Variants in RUFY3 observed in about 807,000 individuals in gnomAD.
RUFY3 encodes RUN and FYVE domain containing 3, also known as protein RUFY3.
In RUFY3, 34 loss-of-function variants were observed where a neutral mutation model predicts 84.0. The observed-to-expected ratio is 0.40, with a 90% CI of 0.31 to 0.54. RUFY3 has a LOEUF of 0.54. RUFY3 is among the 20% of genes least tolerant of loss of function. The pLI is 0.39. For synonymous variants in RUFY3, 242 were observed against 252.9 expected, an observed-to-expected ratio of 0.96 and a Z score of 0.41; for missense variants, 507 against 736.8, an observed-to-expected ratio of 0.69 and a Z score of 3.61.
chr4:70,766,302 T>G (rs532420906), intron 4 of RUFY3, among the ~76,000 whole-genome samples: 1 of 152,120 alleles, frequency 6.6e-6, no homozygotes, highest in Non-Finnish European at 1.5e-5. Context: ...TGGAGTGCAG[T>G]GGTGCAATCA....
At chr4:70,711,091 A>AAAG (rs1491249834) in intron 1 of RUFY3, among the ~76,000 whole-genome samples, 9 of 147,136 alleles carry the variant, frequency 6.1e-5, no homozygotes, top group African/African-American at 2.0e-4. Flanking sequence ...AAAAAAAAAA[A>AAAG]GAAGTATGTC....
At chr4:70,787,194 A>G (rs1172736710) in intron 10 of RUFY3, among the ~76,000 whole-genome samples, 3 of 116,180 alleles carry the variant, frequency 2.6e-5, no homozygotes, top group African/African-American at 3.9e-5. Context: ...AAAAATATAT[A>G]TATATATATA....
At chr4:70,804,897 C>G (rs1732676074) in intron 17 of RUFY3, among the ~76,000 whole-genome samples, 1 of 152,090 alleles carries the variant, frequency 6.6e-6, no homozygotes, top group Admixed American at 6.5e-5. Context: ...TGCACTCCAG[C>G]CTGGGCAACA....
Position 70,804,434 on chromosome 4 carries a change from C to T in RUFY3, c.1719+18C>T, listed in dbSNP as rs201577837. ...TAACAAAGGTAACTGTGATGAGAAA[C>T]GGACAGGCTTTTCATAGGGATGTCT... On this transcript the variant is annotated intron_variant, in intron 17 of 17. Transcript: ENST00000381006. 745 of 1,609,536 alleles carry T rather than the reference C, an allele frequency of 4.6e-4. No homozygotes were observed. The highest frequency in any genetic ancestry group is 6.0e-4 in the Non-Finnish European group (704 of 1,176,254).
intron 1 of RUFY3, among the ~76,000 whole-genome samples, chr4:70,749,072 C>A (rs1340960346): frequency 2.6e-5 from 4 of 152,058 alleles, no homozygotes; most frequent in Non-Finnish European, 4.4e-5. Flanking sequence ...TTTTTCTTTT[C>A]TTTTCTTTTC....
intron 6 of RUFY3, among the ~76,000 whole-genome samples, chr4:70,774,769 A>G (rs1727642372): frequency 1.3e-5 from 2 of 150,742 alleles, no homozygotes; most frequent in South Asian, 4.2e-4. Context: ...GAACAGCTAT[A>G]TTACATCAGA....
rs537464789 is a variant in RUFY3, at chr4:70,708,467, A to G, written c.358+3173A>G. Reference sequence around the variant, plus strand: ...TAAGCCACCACACCTGGCCCCAAACAGTTTTTAAAAGACTTCTTAATTACG... The same window carrying G: ...TAAGCCACCACACCTGGCCCCAAACGGTTTTTAAAAGACTTCTTAATTACG... On this transcript the variant is annotated intron_variant, in intron 1 of 11. Transcript: ENST00000417478. 2.6e-3 allele frequency among the ~76,000 whole-genome samples: 402 copies of G among 152,240 alleles called. 3 individuals are homozygous for G. The highest frequency in any genetic ancestry group is 9.3e-3 in the African/African-American group (388 of 41,546).
At chr4:70,739,960 C>T (rs1721047721) in intron 1 of RUFY3, among the ~76,000 whole-genome samples, 1 of 141,124 alleles carries the variant, frequency 7.1e-6, no homozygotes, top group Admixed American at 7.4e-5. Context: ...CACTGCACTC[C>T]AGCCTGGGTG....
At chr4:70,733,486 T>A (rs1719795524) in intron 1 of RUFY3, among the ~76,000 whole-genome samples, 1 of 152,156 alleles carries the variant, frequency 6.6e-6, no homozygotes, top group South Asian at 2.1e-4. Context: ...ACCAGACACC[T>A]ATCCTAAGGA....
At chr4:70,773,693 T>A (rs754389921) in intron 6 of RUFY3, 121 bp downstream of exon 6, 61 of 631,510 alleles carry the variant, frequency 9.7e-5, no homozygotes, top group Non-Finnish European at 1.3e-4. Context: ...TCTGATCATA[T>A]AGCTTTAATA....
At position 70,722,571 on chromosome 4, in the gene RUFY3, A is replaced by C. The variant is rs765532895; in HGVS notation, c.-3A>C. 3 of 1,611,808 alleles carry C rather than the reference A, an allele frequency of 1.9e-6. No individual in the cohort carries two copies. The highest frequency in any genetic ancestry group is 2.5e-6 in the Non-Finnish European group (3 of 1,179,248). On this transcript the variant is annotated 5_prime_UTR_variant, in exon 1 of 18. Coordinates refer to ENST00000381006, the MANE Select transcript of RUFY3 (RefSeq NM_001037442.4). ...TGTGTGTTGTGGTCCCAGCTGAGTCATCATGTCTGCTCTGACGCCTCCGAC... is the reference window on the plus strand; with the variant it reads ...TGTGTGTTGTGGTCCCAGCTGAGTCCTCATGTCTGCTCTGACGCCTCCGAC...
At chr4:70,760,440 GT>G (rs1560507885) in intron 1 of RUFY3, among the ~76,000 whole-genome samples, 1 of 151,078 alleles carries the variant, frequency 6.6e-6, no homozygotes, top group African/African-American at 2.4e-5. Context: ...ATGCCTCAAA[GT>G]TATGGGCAGG....
intron 17 of RUFY3, 97 bp downstream of exon 17, chr4:70,804,513 G>A: frequency 2.0e-6 from 2 of 1,003,436 alleles, no homozygotes; most frequent in Non-Finnish European, 3.1e-6. Flanking sequence ...CGCATAGAGT[G>A]CAGAGTGCAT....
intron 1 of RUFY3, among the ~76,000 whole-genome samples, chr4:70,748,757 A>T (rs574494022): frequency 5.9e-4 from 90 of 152,124 alleles, no homozygotes; most frequent in Non-Finnish European, 1.1e-3. Context: ...GTTGCAGATG[A>T]AGAAGGCCAA....
At chr4:70,768,448 G>T in intron 4 of RUFY3, 90 bp from the exon 5 acceptor site, 1 of 1,215,582 alleles carries the variant, frequency 8.2e-7, no homozygotes, top group Non-Finnish European at 1.2e-6. Context: ...TGATGACTAT[G>T]ATTCAACCAT....
intron 1 of RUFY3, among the ~76,000 whole-genome samples, chr4:70,709,455 T>C (rs1484818467): frequency 6.6e-6 from 1 of 152,202 alleles, no homozygotes; most frequent in Non-Finnish European, 1.5e-5. Context: ...ATGCCCACTT[T>C]TGAGTTTGGG....
intron 14 of RUFY3, 98 bp downstream of exon 14, chr4:70,794,992 C>T: frequency 1.3e-6 from 1 of 783,144 alleles, no homozygotes; most frequent in Non-Finnish European, 2.2e-6. Context: ...AGATCACATA[C>T]TTAGTGGCTG....
chr4:70,789,244 G>A (rs369046334), intron 11 of RUFY3, among the ~76,000 whole-genome samples: 11 of 152,150 alleles, frequency 7.2e-5, no homozygotes, highest in African/African-American at 2.4e-4. Flanking sequence ...AGTCTACCGT[G>A]CCAGCTAAGT....
At chr4:70,787,780 T>TA (rs1730144520) in intron 10 of RUFY3, among the ~76,000 whole-genome samples, 1 of 152,110 alleles carries the variant, frequency 6.6e-6, no homozygotes, top group Non-Finnish European at 1.5e-5. Flanking sequence ...TGGCACATAA[T>TA]AAAAATCTTA....
Sources: gnomAD v4.1 joint callset for allele counts (sites outside exome capture counted in the v4.1 genomes callset) on GRCh38, gnomAD v4.1.1 for gene constraint, MANE v1.5 for transcripts, NCBI Gene and HGNC (gene_info 2026-07-23, HGNC 2026-07-21) for gene names.